The following PANX1 variants were observed in gnomAD, a reference collection of about 807,000 sequenced individuals.
The protein encoded by PANX1 is pannexin 1.
Under a neutral mutation model 38.7 loss-of-function variants are expected in PANX1, and 30 were observed. The observed-to-expected ratio is 0.78, with a 90% CI of 0.58 to 1.05. PANX1 has a LOEUF of 1.05. Among genes scored for constraint, PANX1 ranks in the 50% least tolerant of loss-of-function variants. The pLI, the probability that PANX1 is intolerant of heterozygous loss-of-function variation, is 0.00. For synonymous variants in PANX1, 230 were observed against 212.2 expected (o/e 1.08, Z -0.73); for missense variants, 551 against 517.2 (o/e 1.07, Z -0.63).
intron 1 of PANX1, among the ~76,000 whole-genome samples, chr11:94,147,306 A>C (rs530645594): frequency 1.3e-5 from 2 of 152,130 alleles, no homozygotes; most frequent in South Asian, 2.1e-4. Flanking sequence ...TATATATTTA[A>C]ATACATCCAG....
intron 1 of PANX1, among the ~76,000 whole-genome samples, chr11:94,148,118 T>C (rs1946848245): frequency 6.6e-6 from 1 of 152,196 alleles, no homozygotes; most frequent in African/African-American, 2.4e-5. Flanking sequence ...AGGGTACTTA[T>C]ATTTTCTCAC....
chr11:94,165,507 A>G (rs1947093119), intron 2 of PANX1, among the ~76,000 whole-genome samples: 1 of 152,228 alleles, frequency 6.6e-6, no homozygotes, highest in Non-Finnish European at 1.5e-5. Context: ...GCTCCAATTA[A>G]AAATTCTCAG....
chr11:94,135,347 T>C (rs961476307), intron 1 of PANX1, among the ~76,000 whole-genome samples: 1 of 152,264 alleles, frequency 6.6e-6, no homozygotes, highest in African/African-American at 2.4e-5. Flanking sequence ...TAACTGCAGC[T>C]GCTTCCAATA....
intron 1 of PANX1, among the ~76,000 whole-genome samples, chr11:94,152,456 T>G (rs1806178089): frequency 6.6e-6 from 1 of 152,184 alleles, no homozygotes; most frequent in Non-Finnish European, 1.5e-5. Context: ...GCCCAGTCAC[T>G]GAGCACACTC....
chr11:94,139,026 C>G (rs1219505244), intron 1 of PANX1, among the ~76,000 whole-genome samples: 1 of 152,182 alleles, frequency 6.6e-6, no homozygotes, highest in Admixed American at 6.5e-5. Flanking sequence ...TGATAATCCC[C>G]CCATTGTCAT....
intron 2 of PANX1, among the ~76,000 whole-genome samples, chr11:94,157,888 G>T (rs866919048): frequency 2.0e-5 from 3 of 152,184 alleles, no homozygotes; most frequent in Non-Finnish European, 4.4e-5. Flanking sequence ...TAAGATTTAA[G>T]TCTTTAATCC....
intron 2 of PANX1, among the ~76,000 whole-genome samples, chr11:94,169,187 T>A (rs1591522904): frequency 6.6e-6 from 1 of 150,540 alleles, no homozygotes; most frequent in African/African-American, 2.5e-5. Flanking sequence ...TCTTAGGGGG[T>A]GATTATATGT....
At position 94,178,691 on chromosome 11, in the gene PANX1, G is replaced by A. The variant is rs891147801; in HGVS notation, c.545+99G>A. On this transcript the variant is annotated intron_variant, in intron 3 of 4. Coordinates refer to ENST00000227638, the MANE Select transcript of PANX1 (RefSeq NM_015368.4). ...CCCAGAGTTCTCATTGCTAGGAGGC[G>A]GGGCAGGAGTGGAAGCAGGGGGACG... 7.1e-5 allele frequency: 63 copies of A among 891,514 alleles called. 1 individual carries two copies. Among genetic ancestry groups the A allele is most frequent in the Admixed American group, 8.3e-5 (4 of 48,358 alleles). The allele number at this position is 891,514 out of a possible 1,614,324, so 55.2% of individuals were successfully genotyped here.
rs929446356 is a variant in PANX1, at chr11:94,150,236, C to T, written c.182-3255C>T. On this transcript the variant is annotated intron_variant, in intron 1 of 4. Coordinates refer to ENST00000227638, the MANE Select transcript of PANX1 (RefSeq NM_015368.4). ...CATATCAGGCCTATACAAGCCACAG[C>T]CTTCATTGAGTTGGATTGGAGCATT... Among the ~76,000 whole-genome samples the T allele has an allele frequency of 2.0e-5, 3 of 152,252 alleles. No homozygotes were observed. In the South Asian group the frequency reaches 6.2e-4, roughly 32 times the overall value.
chr11:94,143,988 G>T (rs61671722), intron 1 of PANX1, among the ~76,000 whole-genome samples: 1 of 152,032 alleles, frequency 6.6e-6, no homozygotes, highest in South Asian at 2.1e-4. Flanking sequence ...GCCTCAAGCA[G>T]TCCTCCCAAA....
intron 2 of PANX1, among the ~76,000 whole-genome samples, chr11:94,163,237 T>C (rs1204600187): frequency 6.6e-6 from 1 of 152,206 alleles, no homozygotes; most frequent in South Asian, 2.1e-4. Flanking sequence ...TATTTTGATA[T>C]AAGCATAGAA....
intron 4 of PANX1, 57 bp from the exon 5 acceptor site, chr11:94,180,733 A>G: frequency 2.1e-6 from 2 of 948,334 alleles, no homozygotes; most frequent in Admixed American, 1.8e-5. Flanking sequence ...AAAATTGATT[A>G]GTATTGGTAA....
At chr11:94,150,518 GGTCCCT>G (rs1946871516) in intron 1 of PANX1, among the ~76,000 whole-genome samples, 1 of 152,140 alleles carries the variant, frequency 6.6e-6, no homozygotes, top group Admixed American at 6.5e-5. Context: ...GAATCCGGAT[GGTCCCT>G]GTCCCAAGCT....
intron 1 of PANX1, among the ~76,000 whole-genome samples, chr11:94,141,804 T>C (rs1467129328): frequency 6.6e-6 from 1 of 152,190 alleles, no homozygotes; most frequent in Non-Finnish European, 1.5e-5. Context: ...TCTCAGTGCC[T>C]AGCCTCCTTG....
At chr11:94,158,548 TTGTC>T (rs1387807037) in intron 2 of PANX1, among the ~76,000 whole-genome samples, 2 of 151,972 alleles carry the variant, frequency 1.3e-5, no homozygotes, top group Non-Finnish European at 2.9e-5. Context: ...GGCTCTCTGT[TTGTC>T]TGTTATTGGT....
chr11:94,138,077 A>C (rs374248244), intron 1 of PANX1, among the ~76,000 whole-genome samples: 1 of 151,960 alleles, frequency 6.6e-6, no homozygotes, highest in South Asian at 2.1e-4. Context: ...TGATTGTATA[A>C]TTCTAATTAC....
intron 1 of PANX1, among the ~76,000 whole-genome samples, chr11:94,132,854 C>G (rs945518363): frequency 6.6e-6 from 1 of 151,992 alleles, no homozygotes; most frequent in African/African-American, 2.4e-5. Flanking sequence ...TGATTTTTTA[C>G]TTTAAAGAAA....
At chr11:94,135,288 C>CTA (rs1278063192) in intron 1 of PANX1, among the ~76,000 whole-genome samples, 1 of 152,248 alleles carries the variant, frequency 6.6e-6, no homozygotes, top group Admixed American at 6.5e-5. Context: ...CTTTTGCTAT[C>CTA]ATTACAGGGC....
intron 2 of PANX1, among the ~76,000 whole-genome samples, chr11:94,170,629 C>G (rs1947154493): frequency 6.6e-6 from 1 of 151,792 alleles, no homozygotes; most frequent in South Asian, 2.1e-4. Flanking sequence ...ACTGAGCAGA[C>G]TCGGGACTGT....
Sources: gnomAD v4.1 joint callset for allele counts (sites outside exome capture counted in the v4.1 genomes callset) on GRCh38, gnomAD v4.1.1 for gene constraint, MANE v1.5 for transcripts, NCBI Gene and HGNC (gene_info 2026-07-23, HGNC 2026-07-21) for gene names.